CDH6: variants seen among roughly 807,000 people sequenced by gnomAD.
CDH6 encodes the protein cadherin-6.
CDH6 carries 31 observed loss-of-function variants against 78.0 expected under a neutral mutation model. That is an observed-to-expected ratio of 0.40 (90% CI 0.30 to 0.54). The LOEUF (loss-of-function observed/expected upper bound fraction) is 0.54, where lower values mean the gene tolerates loss of function less well. Ranked by LOEUF, CDH6 falls within the 20% of genes least tolerant of loss-of-function variation. CDH6 has a pLI of 0.56. For missense variants in CDH6, 724 were observed against 975.9 expected (o/e 0.74, Z 3.44); for synonymous variants, 376 against 368.8 (o/e 1.02, Z -0.23).
intron 1 of CDH6, among the ~76,000 whole-genome samples, chr5:31,231,033 T>C (rs1249530506): frequency 6.6e-6 from 1 of 152,232 alleles, no homozygotes; most frequent in Non-Finnish European, 1.5e-5. Context: ...ATTTTAATTA[T>C]AGTTTTCATT....
Position 31,323,171 on chromosome 5 carries a change from G to T in CDH6, c.2236G>T (p.Val746Leu), listed in dbSNP as rs538483207. 1.2e-5 allele frequency: 19 copies of T among 1,614,164 alleles called. No individual in the cohort carries two copies. In the East Asian group the frequency reaches 4.0e-4, roughly 34 times the overall value. The change falls in exon 12 of 12, where the codon GTG (valine) becomes TTG (leucine). Residue 746 changes from valine (V) to leucine (L), a missense_variant. Physicochemically the swap from Val to Leu is conservative, Grantham distance 32 (BLOSUM62 1). Around this residue, in one of 3 missense-constraint regions of CDH6, gnomAD observed 220 missense variants for 240.6 expected, o/e 0.91. Transcript: ENST00000265071. ...TTACGCCTATGAAGGCACTGGCTCCGTGGCGGATTCCCTGAGCTCGCTGGA... is the reference window on the plus strand; with the variant it reads ...TTACGCCTATGAAGGCACTGGCTCCTTGGCGGATTCCCTGAGCTCGCTGGA... ...ATYAYEGTGS[V>L]ADSLSSLESV...
At chr5:31,286,475 C>T (rs7701631) in intron 2 of CDH6, among the ~76,000 whole-genome samples, 1 of 152,030 alleles carries the variant, frequency 6.6e-6, no homozygotes, top group Admixed American at 6.6e-5. Flanking sequence ...TGCAGGAAGG[C>T]GTAGCTACGA....
chr5:31,257,725 C>A (rs149470860), intron 1 of CDH6, among the ~76,000 whole-genome samples: 12 of 152,154 alleles, frequency 7.9e-5, no homozygotes, highest in East Asian at 7.8e-4. Flanking sequence ...TCAGCTACCC[C>A]CTCCCACTAA....
chr5:31,282,643 G>A (rs914757436), intron 2 of CDH6, among the ~76,000 whole-genome samples: 1 of 152,190 alleles, frequency 6.6e-6, no homozygotes, highest in Non-Finnish European at 1.5e-5. Context: ...CTTTGGGGGA[G>A]CAGGTGCATT....
At position 31,327,465 on chromosome 5, in the gene CDH6, T is replaced by C. The variant is rs577323014; in HGVS notation, c.*4157T>C. The C allele has an allele frequency of 1.6e-5, 3 of 192,074 alleles. No individual in the cohort carries two copies. Among genetic ancestry groups the C allele is most frequent in the Admixed American group, 1.2e-4 (2 of 16,330 alleles). The allele number at this position is 192,074 out of a possible 1,614,324, so 11.9% of individuals were successfully genotyped here. On this transcript the variant is annotated 3_prime_UTR_variant, in exon 12 of 12. Transcript: ENST00000265071. ...CATTATAGTGTAATCTTAATTTTTATGTTTTATCAAGATGAAATCTTGTTT... is the reference window on the plus strand; with the variant it reads ...CATTATAGTGTAATCTTAATTTTTACGTTTTATCAAGATGAAATCTTGTTT...
intron 1 of CDH6, among the ~76,000 whole-genome samples, chr5:31,258,211 A>T (rs1742108224): frequency 1.3e-5 from 2 of 152,228 alleles, no homozygotes; most frequent in African/African-American, 4.8e-5. Context: ...GGCACTGTTC[A>T]CAATAGCAAA....
At chr5:31,297,542 ATT>A in intron 4 of CDH6, 134 bp downstream of exon 4, 2 of 627,924 alleles carry the variant, frequency 3.2e-6, no homozygotes, top group Non-Finnish European at 5.3e-6. Context: ...CTAATGATAT[ATT>A]TGTAAACATG....
chr5:31,302,181 C>T lies in CDH6; in HGVS notation c.882C>T (p.Asp294=), dbSNP rs2287582. ...CAATTGGCAGAATCAAAGCCAGCGA[C>T]GCTGATGTGGGAGAAAATGCTGAAA... ...GTPIGRIKAS[D]ADVGENAEIE... Residue 294 remains aspartate, a synonymous_variant, in exon 6 of 12, where the codon GAC becomes GAT. Transcript: ENST00000265071. 825,809 of 1,612,802 alleles carry T rather than the reference C, an allele frequency of 0.51. 218,648 individuals carry two copies. The highest frequency in any genetic ancestry group is 0.59 in the East Asian group (26,322 of 44,830).
At chr5:31,227,006 T>A (rs975250689) in intron 1 of CDH6, among the ~76,000 whole-genome samples, 1 of 152,100 alleles carries the variant, frequency 6.6e-6, no homozygotes, top group African/African-American at 2.4e-5. Flanking sequence ...AGCCTGAAAA[T>A]GACCCATCCC....
chr5:31,321,755 G>T (rs1284639633), intron 11 of CDH6, among the ~76,000 whole-genome samples: 1 of 152,066 alleles, frequency 6.6e-6, no homozygotes, highest in East Asian at 1.9e-4. Context: ...CATAAAAATT[G>T]GGCCTTGTTA....
intron 8 of CDH6, 66 bp downstream of exon 8, chr5:31,313,520 G>A: frequency 1.4e-6 from 2 of 1,455,098 alleles, no homozygotes; most frequent in Non-Finnish European, 1.9e-6. Flanking sequence ...AAGGGCTGGT[G>A]GAGCGTAGCT....
chr5:31,209,148 G>GT (rs1364730577), intron 1 of CDH6, among the ~76,000 whole-genome samples: 2 of 152,108 alleles, frequency 1.3e-5, no homozygotes, highest in Non-Finnish European at 2.9e-5. Context: ...TAGAAATTAG[G>GT]TTTTTATGTT....
At chr5:31,273,924 CT>C (rs977557924) in intron 2 of CDH6, among the ~76,000 whole-genome samples, 1 of 152,030 alleles carries the variant, frequency 6.6e-6, no homozygotes, top group Non-Finnish European at 1.5e-5. Context: ...TTTTAAGCGT[CT>C]TTTTCTTTCC....
chr5:31,303,065 A>G (rs1384993341), intron 6 of CDH6, among the ~76,000 whole-genome samples: 1 of 152,180 alleles, frequency 6.6e-6, no homozygotes, highest in Non-Finnish European at 1.5e-5. Flanking sequence ...TTAATTCTAT[A>G]CATCCAATGA....
intron 2 of CDH6, among the ~76,000 whole-genome samples, chr5:31,289,611 C>T (rs1031845222): frequency 6.6e-6 from 1 of 152,100 alleles, no homozygotes; most frequent in Non-Finnish European, 1.5e-5. Context: ...TGAGAGTTCC[C>T]GTTTCTCCAC....
chr5:31,232,462 A>C (rs1378334152), intron 1 of CDH6, among the ~76,000 whole-genome samples: 2 of 152,198 alleles, frequency 1.3e-5, no homozygotes, highest in Non-Finnish European at 2.9e-5. Context: ...CTTTGGAGGA[A>C]TCTTAGAGCT....
At chr5:31,312,945 G>GCACACA (rs3028834) in intron 7 of CDH6, among the ~76,000 whole-genome samples, 62,776 of 149,020 alleles carry the variant, frequency 0.42, 13,215 homozygotes, top group East Asian at 0.5. Context: ...ATGCATACAA[G>GCACACA]CACACACACA....
At chr5:31,297,558 T>G in intron 4 of CDH6, 150 bp downstream of exon 4, 1 of 592,300 alleles carries the variant, frequency 1.7e-6, no homozygotes, top group South Asian at 2.5e-5. Flanking sequence ...AAACATGACA[T>G]CTGAATAATT....
chr5:31,311,221 C>T (rs997147198), intron 7 of CDH6, among the ~76,000 whole-genome samples: 1 of 152,228 alleles, frequency 6.6e-6, no homozygotes, highest in Admixed American at 6.5e-5. Flanking sequence ...TAAATCATCT[C>T]TCTCGAGTTC....
Sources: allele counts gnomAD v4.1 joint callset (sites outside exome capture counted in the v4.1 genomes callset), GRCh38; gene constraint gnomAD v4.1.1; regional missense constraint gnomAD v4.1.1; transcripts MANE v1.5; gene names NCBI Gene and HGNC (gene_info 2026-07-23, HGNC 2026-07-21).